Variants in PBX1 observed in about 807,000 individuals in gnomAD.
PBX1 encodes the protein PBX homeobox 1, also known as pre-B-cell leukemia transcription factor 1.
PBX1 carries 6 observed loss-of-function variants against 53.4 expected under a neutral mutation model. That is an observed-to-expected ratio of 0.11 (90% CI 0.06 to 0.22). The LOEUF is 0.22. Among genes scored for constraint, PBX1 ranks in the 10% least tolerant of loss-of-function variants. The probability of loss-of-function intolerance (pLI) is 1.00; values close to 1 mark genes in which losing one functional copy is unlikely to be tolerated. For missense variants in PBX1, 251 were observed against 551.4 expected, an observed-to-expected ratio of 0.46 and a Z score of 5.46; for synonymous variants, 204 against 212.3, an observed-to-expected ratio of 0.96 and a Z score of 0.34.
At chr1:164,870,271 T>C (rs1279514812) in intron 2 of PBX1, among the ~76,000 whole-genome samples, 23 of 15,578 alleles carry the variant, frequency 1.5e-3, no homozygotes, top group South Asian at 9.0e-3. Flanking sequence ...CCTTCCTTCT[T>C]TCTTTCTTTC....
chr1:164,834,212 A>T (rs1022251159), intron 8 of PBX1, among the ~76,000 whole-genome samples: 11 of 151,652 alleles, frequency 7.3e-5, no homozygotes, highest in African/African-American at 2.4e-4. Context: ...TGTTTTCTTG[A>T]GACTTATTAT....
chr1:164,794,064 A>T (rs970570483), intron 3 of PBX1, among the ~76,000 whole-genome samples: 3 of 151,712 alleles, frequency 2.0e-5, no homozygotes, highest in African/African-American at 7.3e-5. Flanking sequence ...TAGTAGAGAC[A>T]GGGTTTCACT....
chr1:164,848,657 G>T lies in PBX1; in HGVS notation c.*1981G>T, dbSNP rs1438949755. ...TTCCAAACTAGAAAAACAGGCCCTGGTTCCCTTAGTTTGCACTTGAACCCA... is the reference window on the plus strand; with the variant it reads ...TTCCAAACTAGAAAAACAGGCCCTGTTTCCCTTAGTTTGCACTTGAACCCA... On this transcript the variant is annotated 3_prime_UTR_variant, in exon 9 of 9. Coordinates refer to ENST00000420696, the MANE Select transcript of PBX1 (RefSeq NM_002585.4). 9.5e-7 allele frequency: 1 copy of T among 1,055,998 alleles called. No homozygotes were observed. The highest frequency in any genetic ancestry group is 1.1e-6 in the Non-Finnish European group (1 of 873,578). 65.4% of individuals were successfully genotyped at this position (1,055,998 alleles called of 1,614,324 possible).
chr1:164,692,649 G>T, intron 2 of PBX1, among the ~76,000 whole-genome samples: 1 of 152,278 alleles, frequency 6.6e-6, no homozygotes, highest in Non-Finnish European at 1.5e-5. Context: ...AGGTGTGAGC[G>T]TGGGGAATAG....
At chr1:164,570,405 G>C (rs946028168) in intron 2 of PBX1, among the ~76,000 whole-genome samples, 14 of 151,922 alleles carry the variant, frequency 9.2e-5, no homozygotes, top group African/African-American at 3.4e-4. Flanking sequence ...TCCCCTCCCT[G>C]TGTCCATGTG....
intron 2 of PBX1, chr1:164,682,977 G>T (rs1016258776): frequency 6.6e-6 from 1 of 152,222 alleles, no homozygotes; most frequent in Non-Finnish European, 1.5e-5. Flanking sequence ...CAGGCTGTGA[G>T]TTTTTTGATG....
chr1:164,681,088 T>G (rs1661742314), intron 2 of PBX1, among the ~76,000 whole-genome samples: 1 of 86,810 alleles, frequency 1.2e-5, no homozygotes, highest in Non-Finnish European at 2.3e-5. Flanking sequence ...TACTAAGAAT[T>G]TAAAAATTAA....
chr1:164,701,722 C>T (rs547938147), intron 2 of PBX1, among the ~76,000 whole-genome samples: 5 of 152,330 alleles, frequency 3.3e-5, no homozygotes, highest in African/African-American at 1.2e-4. Flanking sequence ...TTCATCAGCA[C>T]ATGGGTCCTG....
chr1:164,653,731 C>G (rs1350054233), intron 2 of PBX1, among the ~76,000 whole-genome samples: 1 of 152,184 alleles, frequency 6.6e-6, no homozygotes, highest in Non-Finnish European at 1.5e-5. Flanking sequence ...GATGGTGCCA[C>G]TGCACTCCAG....
chr1:164,718,803 T>C (rs1664254629), intron 2 of PBX1, among the ~76,000 whole-genome samples: 1 of 152,158 alleles, frequency 6.6e-6, no homozygotes, highest in Admixed American at 6.5e-5. Context: ...CAGGAATTAG[T>C]TTTGAAAAAG....
chr1:164,702,180 C>A (rs10800045), intron 2 of PBX1, among the ~76,000 whole-genome samples: 64,761 of 146,502 alleles, frequency 0.44, 14,789 homozygotes, highest in Middle Eastern at 0.57. Context: ...AGACAATTAC[C>A]ACGATGAGGT....
At chr1:164,740,477 T>A (rs891795394) in intron 2 of PBX1, among the ~76,000 whole-genome samples, 8 of 152,032 alleles carry the variant, frequency 5.3e-5, no homozygotes, top group Non-Finnish European at 1.2e-4. Context: ...GGCCACCATA[T>A]CAGAGTGGAG....
intron 2 of PBX1, among the ~76,000 whole-genome samples, chr1:164,640,781 C>T (rs1012853884): frequency 1.3e-5 from 2 of 152,100 alleles, no homozygotes; most frequent in Non-Finnish European, 1.5e-5. Context: ...TGGTCTCCAA[C>T]TCCTGAGCTC....
intron 2 of PBX1, among the ~76,000 whole-genome samples, chr1:164,571,498 A>G (rs1362763711): frequency 1.3e-5 from 2 of 152,148 alleles, no homozygotes; most frequent in Non-Finnish European, 2.9e-5. Context: ...AGGGTCATCC[A>G]TACTGTAGCA....
intron 4 of PBX1, among the ~76,000 whole-genome samples, chr1:164,801,815 T>A (rs1012517387): frequency 6.6e-6 from 1 of 152,180 alleles, no homozygotes; most frequent in Non-Finnish European, 1.5e-5. Context: ...GGGGGTATAT[T>A]TATTACCAGT....
At chr1:164,625,763 G>T (rs1447650506) in intron 2 of PBX1, among the ~76,000 whole-genome samples, 1 of 149,734 alleles carries the variant, frequency 6.7e-6, no homozygotes, top group East Asian at 1.9e-4. Context: ...CACTTATTTG[G>T]TTTTTCTGCT....
At chr1:164,875,979 G>GGTGTAT in intron 2 of PBX1, among the ~76,000 whole-genome samples, 1 of 25,548 alleles carries the variant, frequency 3.9e-5, no homozygotes, top group South Asian at 2.0e-3. Flanking sequence ...ATATATATTT[G>GGTGTAT]GTGTATGTGT....
intron 2 of PBX1, among the ~76,000 whole-genome samples, chr1:164,707,552 G>A (rs913578966): frequency 2.0e-5 from 3 of 152,048 alleles, no homozygotes; most frequent in South Asian, 2.1e-4. Context: ...ATAGTGAGAG[G>A]AAGGAAAGAG....
At chr1:164,739,504 G>A (rs1484943858) in intron 2 of PBX1, among the ~76,000 whole-genome samples, 2 of 152,120 alleles carry the variant, frequency 1.3e-5, no homozygotes, top group Non-Finnish European at 2.9e-5. Flanking sequence ...TTTGTTAGTG[G>A]TTATTGAGAG....
Sources: gnomAD v4.1 joint callset for allele counts (sites outside exome capture counted in the v4.1 genomes callset) on GRCh38, gnomAD v4.1.1 for gene constraint, MANE v1.5 for transcripts, NCBI Gene and HGNC (gene_info 2026-07-23, HGNC 2026-07-21) for gene names.